Variants in WDR27 observed in about 807,000 individuals in gnomAD.
WDR27 encodes the protein WD repeat-containing protein 27.
In WDR27, 100 loss-of-function variants were observed where a neutral mutation model predicts 114.4. The ratio of observed to expected loss-of-function variants is 0.87; its 90% confidence interval spans 0.74 to 1.03. The LOEUF (loss-of-function observed/expected upper bound fraction) is 1.03. Among genes scored for constraint, WDR27 ranks in the 50% least tolerant of loss-of-function variants. The pLI, the probability that WDR27 is intolerant of heterozygous loss-of-function variation, is 0.00. For synonymous variants in WDR27, 449 were observed against 423.1 expected (o/e 1.06, Z -0.75); for missense variants, 1,129 against 1,092.9 (o/e 1.03, Z -0.47).
intron 25 of WDR27, among the ~76,000 whole-genome samples, chr6:169,515,643 C>A (rs368228640): frequency 6.6e-6 from 1 of 151,530 alleles, no homozygotes; most frequent in Non-Finnish European, 1.5e-5. Context: ...TTTGTGCCAA[C>A]AAAATATTCT....
chr6:169,645,023 T>TAAAAAAAAAAAAA lies in WDR27; in HGVS notation c.1658-1238_1658-1237insTTTTTTTTTTTTT, dbSNP rs776362942. Among the ~76,000 whole-genome samples, 9 of 46,938 alleles carry TAAAAAAAAAAAAA rather than the reference T, an allele frequency of 1.9e-4. 1 individual carries two copies. The highest frequency in any genetic ancestry group is 3.5e-4 in the Non-Finnish European group (9 of 25,522). 30.8% of individuals were successfully genotyped at this position (46,938 alleles called of 152,430 possible). On this transcript the variant is annotated intron_variant, in intron 16 of 25. Transcript: ENST00000448612. ...GACTCCGTCTCAAAAAAAAAAAAAA[T>TAAAAAAAAAAAAA]AAAAAAAAAAAATAAAAAAAAAAAA...
chr6:169,566,056 T>C (rs1800416388), intron 25 of WDR27, among the ~76,000 whole-genome samples: 1 of 152,020 alleles, frequency 6.6e-6, no homozygotes, highest in African/African-American at 2.4e-5. Flanking sequence ...ACCAGATCAA[T>C]TATGTAAGAA....
chr6:169,455,596 T>G (rs1282228696), downstream of WDR27, among the ~76,000 whole-genome samples: 3 of 152,184 alleles, frequency 2.0e-5, no homozygotes, highest in African/African-American at 2.4e-5. Context: ...CTGAGTGGTG[T>G]GGGGAGCACT....
chr6:169,555,166 G>T (rs565623656), intron 25 of WDR27, among the ~76,000 whole-genome samples: 1 of 152,302 alleles, frequency 6.6e-6, no homozygotes, highest in East Asian at 1.9e-4. Context: ...ACAATGTGAT[G>T]CCCGGGTCCT....
chr6:169,640,441 C>T (rs1818871457), intron 17 of WDR27, among the ~76,000 whole-genome samples: 1 of 152,208 alleles, frequency 6.6e-6, no homozygotes, highest in Non-Finnish European at 1.5e-5. Context: ...GCTTTGCTGC[C>T]CTCACGTGTA....
intron 25 of WDR27, among the ~76,000 whole-genome samples, chr6:169,495,063 T>G (rs1790224949): frequency 6.6e-6 from 1 of 152,034 alleles, no homozygotes; most frequent in Non-Finnish European, 1.5e-5. Flanking sequence ...TATAAGTTCA[T>G]GAAAACATTA....
chr6:169,652,012 T>C lies in WDR27; in HGVS notation c.1403-4A>G. ...TCCTTCATGACGTTCCGTGCAGCTG[T>C]GGAAAGGCAATTTTAAAGAAGAAAC... On this transcript the variant is annotated splice_region_variant and splice_polypyrimidine_tract_variant and intron_variant, in intron 13 of 25. Transcript: ENST00000448612. The C allele has an allele frequency of 6.2e-7, 1 of 1,613,094 alleles. No individual in the cohort carries two copies. Among genetic ancestry groups the C allele is most frequent in the African/African-American group, 1.3e-5 (1 of 75,018 alleles).
At chr6:169,692,323 C>T (rs1414558537) in intron 1 of WDR27, among the ~76,000 whole-genome samples, 1 of 152,154 alleles carries the variant, frequency 6.6e-6, no homozygotes, top group Non-Finnish European at 1.5e-5. Context: ...AAAGAAGCTT[C>T]CAACTGAATT....
chr6:169,603,570 A>C (rs1030637120), intron 22 of WDR27, among the ~76,000 whole-genome samples: 1 of 152,216 alleles, frequency 6.6e-6, no homozygotes, highest in Non-Finnish European at 1.5e-5. Flanking sequence ...CATATTATGC[A>C]GCTTTATATC....
intron 22 of WDR27, among the ~76,000 whole-genome samples, chr6:169,606,087 A>C (rs1809115903): frequency 6.6e-6 from 1 of 152,220 alleles, no homozygotes; most frequent in South Asian, 2.1e-4. Flanking sequence ...CAGAGGTAAC[A>C]AAAATAAAAA....
intron 1 of WDR27, among the ~76,000 whole-genome samples, chr6:169,699,408 G>C (rs975717684): frequency 3.3e-5 from 5 of 152,182 alleles, no homozygotes; most frequent in African/African-American, 1.2e-4. Context: ...ATAAAGTCAG[G>C]CTTGAACAGT....
the WDR27 span, among the ~76,000 whole-genome samples, chr6:169,438,603 A>C: frequency 6.6e-6 from 1 of 152,116 alleles, no homozygotes; most frequent in Non-Finnish European, 1.5e-5. Context: ...TGTTTACTTT[A>C]TTCCTTTTTA....
chr6:169,669,984 G>C (rs1409023095), intron 4 of WDR27: 1 of 151,948 alleles, frequency 6.6e-6, no homozygotes, highest in Non-Finnish European at 1.5e-5. Flanking sequence ...AACGACCCCA[G>C]GCCTGGGGTC....
chr6:169,612,249 C>A (rs980685912), intron 22 of WDR27, among the ~76,000 whole-genome samples: 9 of 150,992 alleles, frequency 6.0e-5, no homozygotes, highest in African/African-American at 2.2e-4. Context: ...GAGACCCCAT[C>A]TCTACTAAAA....
chr6:169,457,553 G>C lies in WDR27; in HGVS notation c.*39C>G. 1 of 1,529,302 alleles carries C rather than the reference G, an allele frequency of 6.5e-7. No homozygotes were observed. Among genetic ancestry groups the C allele is most frequent in the Non-Finnish European group, 8.8e-7 (1 of 1,134,292 alleles). The allele number at this position is 1,529,302 out of a possible 1,614,324, so 94.7% of individuals were successfully genotyped here. A position where few individuals can be genotyped will look rare whatever the true frequency, so the allele number is the denominator to read the frequency against. On this transcript the variant is annotated 3_prime_UTR_variant, in exon 26 of 26. Transcript: ENST00000448612. ...TCTTACTTTTAAGTTGTTCCTCACA[G>C]CATTCCTGGACCCAGCTCACAGGTC... is the stretch of plus-strand genomic sequence containing the variant.
chr6:169,457,224 CT>C lies in WDR27; in HGVS notation c.*367del, dbSNP rs1451469305. 2.1e-5 allele frequency: 4 copies of C among 191,982 alleles called. No individual in the cohort carries two copies. Among genetic ancestry groups the C allele is most frequent in the Non-Finnish European group, 4.3e-5 (4 of 92,676 alleles). 11.9% of individuals were successfully genotyped at this position (191,982 alleles called of 1,614,324 possible). A position where few individuals can be genotyped will look rare whatever the true frequency, so the allele number is the denominator to read the frequency against. On this transcript the variant is annotated 3_prime_UTR_variant, in exon 26 of 26. Coordinates refer to ENST00000448612, the MANE Select transcript of WDR27 (RefSeq NM_182552.5). ...CAGAGCCAGTTAGGACTGTTAACTG[CT>C]TTATTTTCACTGCCCAAAAGAAATT...
rs1821100224 is a variant in WDR27, at chr6:169,647,541, C to A, written c.1657+232G>T. The A allele has an allele frequency of 8.2e-6, 5 of 606,956 alleles. No individual in the cohort carries two copies. In the South Asian group the frequency reaches 9.8e-5, roughly 12 times the overall value. The allele number at this position is 606,956 out of a possible 1,614,324, so 37.6% of individuals were successfully genotyped here. On this transcript the variant is annotated intron_variant, in intron 16 of 25. Coordinates refer to ENST00000448612, the MANE Select transcript of WDR27 (RefSeq NM_182552.5). ...CAAATTCGCTGCTAGTGAGTGAGTG[C>A]CAGTGTCTGTGCCCACGCAGGGGTG... is the stretch of plus-strand genomic sequence containing the variant.
intron 1 of WDR27, among the ~76,000 whole-genome samples, chr6:169,694,346 C>G (rs562476273): frequency 1.1e-4 from 17 of 152,242 alleles, no homozygotes; most frequent in Non-Finnish European, 2.1e-4. Flanking sequence ...CATCAACGCA[C>G]GCACACAGAA....
At chr6:169,611,348 C>T (rs561169728) in intron 22 of WDR27, among the ~76,000 whole-genome samples, 1 of 149,898 alleles carries the variant, frequency 6.7e-6, no homozygotes, top group Non-Finnish European at 1.5e-5. Flanking sequence ...CTCTGTCACC[C>T]AGGCTGGAGT....
Sources: gnomAD v4.1 joint callset for allele counts (sites outside exome capture counted in the v4.1 genomes callset) on GRCh38, gnomAD v4.1.1 for gene constraint, MANE v1.5 for transcripts, NCBI Gene and HGNC (gene_info 2026-07-23, HGNC 2026-07-21) for gene names.